ZNHIT3: variants seen among roughly 807,000 people sequenced by gnomAD.
The protein encoded by ZNHIT3 is zinc finger HIT-type containing 3, also known as zinc finger HIT domain-containing protein 3.
In ZNHIT3, 27 loss-of-function variants were observed where a neutral mutation model predicts 19.9. The observed-to-expected ratio is 1.36, with a 90% CI of 1.00 to 1.87. The LOEUF is 1.87. Among genes scored for constraint, ZNHIT3 ranks in the 40% most tolerant of loss-of-function variants. The probability of loss-of-function intolerance (pLI) is 0.00; values close to 1 mark genes in which losing one functional copy is unlikely to be tolerated. For synonymous variants in ZNHIT3, 81 were observed against 65.7 expected (o/e 1.23, Z -1.13); for missense variants, 215 against 185.6 (o/e 1.16, Z -0.92).
At chr17:36,499,038 A>G (rs1291025436), downstream of ZNHIT3, 3 of 1,530,326 alleles carry the variant, frequency 2.0e-6, no homozygotes, top group South Asian at 2.4e-5. Flanking sequence ...CCCAAAATTG[A>G]TCCACTGCCC....
In ZNHIT3 at chr17:36,495,654, C is replaced by G; in HGVS notation, c.*250C>G. 7.8e-7 allele frequency: 1 copy of G among 1,288,302 alleles called. No homozygotes were observed. 79.8% of individuals were successfully genotyped at this position (1,288,302 alleles called of 1,614,324 possible). A position where few individuals can be genotyped will look rare whatever the true frequency, so the allele number is the denominator to read the frequency against. On this transcript the variant is annotated 3_prime_UTR_variant, in exon 5 of 5. Transcript: ENST00000617429. Reference sequence around the variant, plus strand: ...CAGATGATTGTTTTTAAATGTTTTACTTTTGGTACAGTTGATAGACATCAT... The same window carrying G: ...CAGATGATTGTTTTTAAATGTTTTAGTTTTGGTACAGTTGATAGACATCAT...
intron 4 of ZNHIT3, 41 bp downstream of exon 4, chr17:36,494,047 A>G: frequency 6.8e-7 from 1 of 1,474,132 alleles, no homozygotes; most frequent in South Asian, 1.1e-5. Flanking sequence ...AGATACATTT[A>G]CTGTGTTGTA....
At chr17:36,498,403 C>CCAATA, downstream of ZNHIT3, 2 of 1,614,036 alleles carry the variant, frequency 1.2e-6, no homozygotes, top group Non-Finnish European at 1.7e-6. Context: ...ACACCCATAG[C>CCAATA]CGTATTGGCC....
chr17:36,487,896 G>A (rs989055953), intron 2 of ZNHIT3, among the ~76,000 whole-genome samples: 3 of 151,934 alleles, frequency 2.0e-5, no homozygotes, highest in Non-Finnish European at 4.4e-5. Flanking sequence ...TTGAGCTCAG[G>A]AGTTTGAGAC....
downstream of ZNHIT3, chr17:36,499,071 T>TTAC: frequency 6.2e-7 from 1 of 1,604,174 alleles, no homozygotes; most frequent in Non-Finnish European, 8.5e-7. Context: ...TGGGTCTTAC[T>TTAC]TACTCTCCAC....
intron 2 of ZNHIT3, chr17:36,492,390 C>T (rs749710907): frequency 3.6e-5 from 6 of 167,430 alleles, no homozygotes; most frequent in Non-Finnish European, 7.6e-5. Context: ...CTCAAGTGAT[C>T]CTCCCACCTT....
At chr17:36,499,265 C>CA, downstream of ZNHIT3, 1 of 712,606 alleles carries the variant, frequency 1.4e-6, no homozygotes, top group Admixed American at 2.9e-5. Flanking sequence ...GTTTCAAATA[C>CA]GTTTTTTTTT....
chr17:36,495,770 A>ATAATT lies in ZNHIT3; in HGVS notation c.*372_*376dup. The ATAATT allele has an allele frequency of 8.1e-7, 1 of 1,240,980 alleles. No homozygotes were observed. The highest frequency in any genetic ancestry group is 1.0e-6 in the Non-Finnish European group (1 of 993,172). The allele number at this position is 1,240,980 out of a possible 1,614,324, so 76.9% of individuals were successfully genotyped here. ...GATTCTACTGTACATTGCATTATTC[A>ATAATT]TAATTTAATTGTTTGAAATTACATT... On this transcript the variant is annotated 3_prime_UTR_variant, in exon 5 of 5. Coordinates refer to ENST00000617429, the MANE Select transcript of ZNHIT3 (RefSeq NM_004773.4).
At chr17:36,490,005 A>T (rs1054762636) in intron 2 of ZNHIT3, 1 of 150,370 alleles carries the variant, frequency 6.7e-6, no homozygotes, top group South Asian at 2.1e-4. Flanking sequence ...TGTCAAGTGA[A>T]TATTTTGCAA....
downstream of ZNHIT3, chr17:36,495,882 C>T (rs537783063): frequency 7.3e-4 from 897 of 1,234,768 alleles, 1 homozygote; most frequent in Admixed American, 1.6e-3. Context: ...ATTCCAGCGC[C>T]AATTTTAGGC....
At position 36,486,943 on chromosome 17, in the gene ZNHIT3, TA is replaced by T; in HGVS notation, c.96del (p.Val33SerfsTer21). On this transcript the variant is annotated frameshift_variant, in exon 2 of 5. Coordinates refer to ENST00000617429, the MANE Select transcript of ZNHIT3 (RefSeq NM_004773.4). LOFTEE classifies it high-confidence loss of function. ...GGCCTCTGTTGTTACAGCTGCTCGG[TA>T]GTCTGCTTCCGGAAGCACAAAGGTG... is the stretch of plus-strand genomic sequence containing the variant. ...CPACRVPYCS[V>X]VCFRKHKEQC... 1.9e-6 allele frequency: 3 copies of T among 1,611,412 alleles called. No individual in the cohort carries two copies. The highest frequency in any genetic ancestry group is 2.5e-6 in the Non-Finnish European group (3 of 1,179,500).
At chr17:36,489,934 A>C (rs1452717819) in intron 2 of ZNHIT3, 2 of 118,198 alleles carry the variant, frequency 1.7e-5, no homozygotes, top group Admixed American at 8.5e-5. Flanking sequence ...TGTCCACTTA[A>C]TTTTTTTTTT....
At chr17:36,499,088 C>T, downstream of ZNHIT3, 2 of 1,609,148 alleles carry the variant, frequency 1.2e-6, no homozygotes, top group Non-Finnish European at 1.7e-6. Flanking sequence ...CCACTTCTGC[C>T]ATGCACGCTT....
At chr17:36,495,022 G>A (rs964753625) in intron 4 of ZNHIT3, among the ~76,000 whole-genome samples, 8 of 152,048 alleles carry the variant, frequency 5.3e-5, no homozygotes, top group African/African-American at 1.9e-4. Context: ...GTGGGGTCTC[G>A]CCATGTTGCA....
rs767143290 is a variant in ZNHIT3, at chr17:36,486,686, C to G, written c.-14C>G. ...CGCGCGGCGGCGCAGTGAACAGTCTCCTTCCACAAAACCATGGCGTCGCTC... is the reference window on the plus strand; with the variant it reads ...CGCGCGGCGGCGCAGTGAACAGTCTGCTTCCACAAAACCATGGCGTCGCTC... On this transcript the variant is annotated 5_prime_UTR_variant, in exon 1 of 5. Coordinates refer to ENST00000617429, the MANE Select transcript of ZNHIT3 (RefSeq NM_004773.4). The G allele has an allele frequency of 1.2e-6, 2 of 1,613,682 alleles. No individual in the cohort carries two copies. Among genetic ancestry groups the G allele is most frequent in the Non-Finnish European group, 1.7e-6 (2 of 1,179,738 alleles).
At position 36,486,722 on chromosome 17, in the gene ZNHIT3, CCGTCGTCTG is replaced by C; in HGVS notation, c.27_35del (p.Val10_Val12del). 6.2e-7 allele frequency: 1 copy of C among 1,613,922 alleles called. No homozygotes were observed. Among genetic ancestry groups the C allele is most frequent in the Non-Finnish European group, 8.5e-7 (1 of 1,179,926 alleles). On this transcript the variant is annotated inframe_deletion, in exon 1 of 5. Coordinates refer to ENST00000617429, the MANE Select transcript of ZNHIT3 (RefSeq NM_004773.4). ...ACCATGGCGTCGCTCAAATGTAGCA[CCGTCGTCTG>C]CGTGATCTGCTTGGAGAAGCCCAAA...
chr17:36,491,794 C>G (rs1263575011), intron 2 of ZNHIT3: 7 of 152,208 alleles, frequency 4.6e-5, no homozygotes, highest in African/African-American at 1.7e-4. Context: ...GAAAATTCAC[C>G]TCTCCTTCAG....
At position 36,486,726 on chromosome 17, in the gene ZNHIT3, C is replaced by A; in HGVS notation, c.27C>A (p.Val9=). 1 of 1,613,918 alleles carries A rather than the reference C, an allele frequency of 6.2e-7. No homozygotes were observed. Residue 9 remains valine, a synonymous_variant, in exon 1 of 5, where the codon GTC becomes GTA. Transcript: ENST00000617429. ...TGGCGTCGCTCAAATGTAGCACCGT[C>A]GTCTGCGTGATCTGCTTGGAGAAGC... The part of the protein sequence containing the change: MASLKCST[V]VCVICLEKPK...
In ZNHIT3 at chr17:36,495,599, AAGTCCTT is replaced by A; in HGVS notation, c.*196_*202del. 7.7e-7 allele frequency: 1 copy of A among 1,296,118 alleles called. No homozygotes were observed. Among genetic ancestry groups the A allele is most frequent in the African/African-American group, 1.5e-5 (1 of 66,072 alleles). The allele number at this position is 1,296,118 out of a possible 1,614,324, so 80.3% of individuals were successfully genotyped here. A position where few individuals can be genotyped will look rare whatever the true frequency, so the allele number is the denominator to read the frequency against. On this transcript the variant is annotated 3_prime_UTR_variant, in exon 5 of 5. Transcript: ENST00000617429. ...GCAGACTTGGGGTCCTTAAGGTGGC[AAGTCCTT>A]TATGGAGAGAAAACTTGACATTCAG...
Sources: allele counts gnomAD v4.1 joint callset (sites outside exome capture counted in the v4.1 genomes callset), GRCh38; gene constraint gnomAD v4.1.1; transcripts MANE v1.5; gene names NCBI Gene and HGNC (gene_info 2026-07-23, HGNC 2026-07-21).